Variants in RAP1GDS1 observed in about 807,000 individuals in gnomAD.
The protein encoded by RAP1GDS1 is Rap1 GTPase-GDP dissociation stimulator 1.
Under a neutral mutation model 71.1 loss-of-function variants are expected in RAP1GDS1, and 35 were observed. The observed-to-expected ratio is 0.49, with a 90% CI of 0.38 to 0.65. RAP1GDS1 has a LOEUF of 0.65. RAP1GDS1 is among the 30% of genes least tolerant of loss of function. The pLI is 0.00. For synonymous variants in RAP1GDS1, 229 were observed against 243.1 expected (o/e 0.94, Z 0.54); for missense variants, 663 against 706.1 (o/e 0.94, Z 0.69).
rs941967133 is a variant in RAP1GDS1, at chr4:98,339,340, A to G, written c.113-3799A>G. ...TTTTAAAGTAGCAATTGCCCGTCTTATATGGGTCCTCAAAATTCAAAAACT... is the reference window on the plus strand; with the variant it reads ...TTTTAAAGTAGCAATTGCCCGTCTTGTATGGGTCCTCAAAATTCAAAAACT... On this transcript the variant is annotated intron_variant, in intron 2 of 14. Coordinates refer to ENST00000408927, the MANE Select transcript of RAP1GDS1 (RefSeq NM_001100427.2). Among the ~76,000 whole-genome samples, 5 of 152,330 alleles carry G rather than the reference A, an allele frequency of 3.3e-5. No homozygotes were observed. In the East Asian group the frequency reaches 9.6e-4, roughly 29 times the overall value.
intron 2 of RAP1GDS1, among the ~76,000 whole-genome samples, chr4:98,309,796 T>C (rs1729939598): frequency 6.6e-6 from 1 of 151,936 alleles, no homozygotes; most frequent in Admixed American, 6.6e-5. Context: ...TTATTCTCTC[T>C]TAAATCTCTA....
At chr4:98,417,023 A>G (rs547912427) in intron 8 of RAP1GDS1, 135 bp downstream of exon 8, 1 of 1,010,398 alleles carries the variant, frequency 9.9e-7, no homozygotes, top group Non-Finnish European at 1.5e-6. Flanking sequence ...TGATTTTGAC[A>G]TCTTAAACAT....
At position 98,398,514 on chromosome 4, in the gene RAP1GDS1, G is replaced by A. The variant is rs146147384; in HGVS notation, c.638-5963G>A. Among the ~76,000 whole-genome samples, 301 of 152,254 alleles carry A rather than the reference G, an allele frequency of 2.0e-3. 1 individual carries two copies. The highest frequency in any genetic ancestry group is 6.7e-3 in the African/African-American group (280 of 41,532). The stretch of plus-strand genomic sequence containing the variant: ...GTTGAATACAAAAGATCATGAGTCC[G>A]TGGACATATGTCTCAAAACAACATT... On this transcript the variant is annotated intron_variant, in intron 6 of 14. Coordinates refer to ENST00000408927, the MANE Select transcript of RAP1GDS1 (RefSeq NM_001100427.2).
At chr4:98,330,670 C>T (rs1264157185) in intron 2 of RAP1GDS1, among the ~76,000 whole-genome samples, 16 of 138,040 alleles carry the variant, frequency 1.2e-4, no homozygotes, top group African/African-American at 1.4e-4. Flanking sequence ...GGATGACGGC[C>T]GGGAAGAGGC....
chr4:98,310,753 G>A (rs994337953), intron 2 of RAP1GDS1, among the ~76,000 whole-genome samples: 1 of 151,896 alleles, frequency 6.6e-6, no homozygotes, highest in African/African-American at 2.4e-5. Flanking sequence ...TGGTTATTGA[G>A]CACTTGAACG....
At chr4:98,367,790 G>A (rs1374825004) in intron 4 of RAP1GDS1, among the ~76,000 whole-genome samples, 1 of 152,218 alleles carries the variant, frequency 6.6e-6, no homozygotes, top group African/African-American at 2.4e-5. Context: ...ATTTGGAATG[G>A]TTGTGTTTAT....
chr4:98,299,394 A>C (rs901522866), intron 2 of RAP1GDS1, among the ~76,000 whole-genome samples: 1 of 152,224 alleles, frequency 6.6e-6, no homozygotes, highest in South Asian at 2.1e-4. Context: ...TTATAGTAGC[A>C]TGAAAATATC....
intron 2 of RAP1GDS1, among the ~76,000 whole-genome samples, chr4:98,317,414 T>A (rs1278124071): frequency 6.6e-6 from 1 of 152,186 alleles, no homozygotes. Context: ...GAACATTATA[T>A]GTTTTTAGAA....
At chr4:98,383,190 C>G (rs1221011892) in intron 5 of RAP1GDS1, among the ~76,000 whole-genome samples, 1 of 151,414 alleles carries the variant, frequency 6.6e-6, no homozygotes, top group Non-Finnish European at 1.5e-5. Context: ...TATTGTTGTG[C>G]TAGAGACACA....
chr4:98,267,090 T>G (rs773953550), intron 1 of RAP1GDS1, among the ~76,000 whole-genome samples: 66 of 152,346 alleles, frequency 4.3e-4, no homozygotes, highest in Non-Finnish European at 7.9e-4. Flanking sequence ...AAAAGTTTAA[T>G]TTAAAATACA....
intron 4 of RAP1GDS1, among the ~76,000 whole-genome samples, chr4:98,357,773 A>G (rs1455035306): frequency 1.3e-5 from 2 of 151,950 alleles, no homozygotes; most frequent in African/African-American, 4.8e-5. Flanking sequence ...AAATTTTAAT[A>G]TAACCCCTAG....
At chr4:98,372,054 G>A (rs1578628662) in intron 4 of RAP1GDS1, among the ~76,000 whole-genome samples, 3 of 151,782 alleles carry the variant, frequency 2.0e-5, no homozygotes, top group Admixed American at 6.6e-5. Flanking sequence ...GTTTATTTCC[G>A]AACCTAGTTG....
At chr4:98,441,480 A>T in intron 14 of RAP1GDS1, 1 of 985,292 alleles carries the variant, frequency 1.0e-6, no homozygotes. Context: ...ATTGGACTTC[A>T]TATTTGAACT....
chr4:98,295,970 GTCC>G (rs1211396248), intron 2 of RAP1GDS1, among the ~76,000 whole-genome samples: 3 of 151,994 alleles, frequency 2.0e-5, no homozygotes, highest in African/African-American at 7.2e-5. Context: ...TGCTACTTCT[GTCC>G]TCCTAAATGT....
chr4:98,409,638 C>A, intron 7 of RAP1GDS1: 2 of 253,136 alleles, frequency 7.9e-6, no homozygotes, highest in South Asian at 5.4e-5. Flanking sequence ...AGAAGGGAGC[C>A]AAAGAGAAAT....
intron 4 of RAP1GDS1, among the ~76,000 whole-genome samples, chr4:98,354,373 T>C (rs918695655): frequency 1.3e-5 from 2 of 152,350 alleles, no homozygotes; most frequent in Middle Eastern, 3.4e-3. Flanking sequence ...AAAAGTATTC[T>C]TTAAACCTTG....
At chr4:98,271,775 C>T (rs566221367) in intron 1 of RAP1GDS1, among the ~76,000 whole-genome samples, 1 of 152,104 alleles carries the variant, frequency 6.6e-6, no homozygotes, top group Non-Finnish European at 1.5e-5. Flanking sequence ...CTACACTTTA[C>T]ATATTTTTAA....
intron 2 of RAP1GDS1, among the ~76,000 whole-genome samples, chr4:98,308,165 T>G (rs2110311953): frequency 6.6e-6 from 1 of 151,278 alleles, no homozygotes; most frequent in South Asian, 2.1e-4. Context: ...TATGTGTGTG[T>G]GTGTGTGTAT....
intron 1 of RAP1GDS1, among the ~76,000 whole-genome samples, chr4:98,284,741 C>A (rs777536001): frequency 6.6e-6 from 1 of 152,160 alleles, no homozygotes; most frequent in Admixed American, 6.6e-5. Flanking sequence ...TGTTGGAATA[C>A]CAGCCTGCTT....
Sources: allele counts gnomAD v4.1 joint callset (sites outside exome capture counted in the v4.1 genomes callset), GRCh38; gene constraint gnomAD v4.1.1; transcripts MANE v1.5; gene names NCBI Gene and HGNC (gene_info 2026-07-23, HGNC 2026-07-21).